Variants in RAD51B observed in about 807,000 individuals in gnomAD.
RAD51B encodes the protein DNA repair protein RAD51 homolog 2.
A neutral mutation model predicts 42.2 loss-of-function variants in RAD51B; 38 were observed. The observed-to-expected ratio is 0.90, with a 90% CI of 0.70 to 1.18. The LOEUF (loss-of-function observed/expected upper bound fraction) is 1.18. Ranked by LOEUF, RAD51B falls within the 50% of genes most tolerant of loss-of-function variation. RAD51B has a pLI of 0.00. For synonymous variants in RAD51B, 154 were observed against 145.2 expected, an observed-to-expected ratio of 1.06 and a Z score of -0.43; for missense variants, 373 against 400.7, an observed-to-expected ratio of 0.93 and a Z score of 0.59.
chr14:68,613,877 G>A (rs1891771262), downstream of RAD51B, among the ~76,000 whole-genome samples: 1 of 152,196 alleles, frequency 6.6e-6, no homozygotes, highest in Non-Finnish European at 1.5e-5. Context: ...TCGATTTTTG[G>A]AGTCAGAGAG....
At chr14:68,236,883 G>A (rs901681586) in intron 7 of RAD51B, among the ~76,000 whole-genome samples, 3 of 152,166 alleles carry the variant, frequency 2.0e-5, no homozygotes, top group African/African-American at 7.2e-5. Context: ...TCCACACAAA[G>A]GAGTGTCATT....
intron 7 of RAD51B, among the ~76,000 whole-genome samples, chr14:68,061,431 A>G (rs1426553791): frequency 6.6e-6 from 1 of 152,126 alleles, no homozygotes; most frequent in African/African-American, 2.4e-5. Context: ...TTTGTGAAAA[A>G]TGTCATTAGT....
intron 10 of RAD51B, among the ~76,000 whole-genome samples, chr14:68,507,880 G>T (rs1885451262): frequency 6.6e-6 from 1 of 152,194 alleles, no homozygotes; most frequent in South Asian, 2.1e-4. Context: ...TCTCCTGGCT[G>T]TTGGGTTCCA....
chr14:67,904,687 A>G (rs2043724942), intron 7 of RAD51B, among the ~76,000 whole-genome samples: 1 of 151,204 alleles, frequency 6.6e-6, no homozygotes, highest in East Asian at 1.9e-4. Flanking sequence ...TATTTTTTTC[A>G]TATGCCTTTT....
At chr14:68,176,590 A>T (rs2078966590) in intron 7 of RAD51B, among the ~76,000 whole-genome samples, 1 of 152,216 alleles carries the variant, frequency 6.6e-6, no homozygotes, top group Non-Finnish European at 1.5e-5. Context: ...AATGAGCATT[A>T]AAAACTAAAA....
intron 8 of RAD51B, among the ~76,000 whole-genome samples, chr14:68,298,790 T>C (rs571217166): frequency 6.6e-6 from 1 of 152,280 alleles, no homozygotes; most frequent in South Asian, 2.1e-4. Flanking sequence ...TTTCCATCAC[T>C]GCAGAGAATG....
intron 7 of RAD51B, among the ~76,000 whole-genome samples, chr14:68,221,908 A>G (rs867110686): frequency 3.9e-5 from 6 of 152,368 alleles, no homozygotes; most frequent in African/African-American, 1.2e-4. Context: ...AAAAGAAGAT[A>G]TACAAATGGC....
chr14:67,860,712 A>G lies in RAD51B; in HGVS notation c.316-4291A>G, dbSNP rs2042136344. ...AAAGCATACAGTATAGTCATAGTAT[A>G]GTATAACAAATACAGTAAAAATTTT... On this transcript the variant is annotated intron_variant, in intron 4 of 10. Transcript: ENST00000471583. Among the ~76,000 whole-genome samples, 4 of 152,230 alleles carry G rather than the reference A, an allele frequency of 2.6e-5. No individual in the cohort carries two copies. In the South Asian group the frequency reaches 8.3e-4, roughly 31 times the overall value.
chr14:68,536,278 G>A (rs912826837), intron 10 of RAD51B, among the ~76,000 whole-genome samples: 3 of 152,168 alleles, frequency 2.0e-5, no homozygotes, highest in Non-Finnish European at 2.9e-5. Context: ...AAGATAATCC[G>A]CCAAAAGGAA....
chr14:68,439,176 ACACACACACACT>A (rs1268677409), intron 9 of RAD51B, among the ~76,000 whole-genome samples: 84 of 80,626 alleles, frequency 1.0e-3, no homozygotes, highest in African/African-American at 3.0e-3. Flanking sequence ...ACACACACAC[ACACACACACACT>A]CTCTCACACA....
chr14:68,314,731 A>G (rs2082023088), intron 8 of RAD51B, among the ~76,000 whole-genome samples: 1 of 152,120 alleles, frequency 6.6e-6, no homozygotes, highest in Non-Finnish European at 1.5e-5. Flanking sequence ...CCAAGCTTTG[A>G]TCCTCTGGCC....
intron 8 of RAD51B, among the ~76,000 whole-genome samples, chr14:68,356,478 T>C (rs2082905550): frequency 6.6e-6 from 1 of 151,466 alleles, no homozygotes; most frequent in Non-Finnish European, 1.5e-5. Context: ...CTCTACTCTA[T>C]TAAAAGTGCA....
At chr14:68,468,121 GC>G in intron 9 of RAD51B, 50 bp from the exon 10 acceptor site, 6 of 1,492,334 alleles carry the variant, frequency 4.0e-6, no homozygotes, top group Non-Finnish European at 5.6e-6. Flanking sequence ...GTGAATAGAG[GC>G]CCATCCCTGA....
intron 7 of RAD51B, among the ~76,000 whole-genome samples, chr14:67,890,731 T>A (rs113516939): frequency 1.1e-4 from 17 of 151,770 alleles, no homozygotes; most frequent in African/African-American, 4.1e-4. Context: ...AGGTAACAGC[T>A]AATGAAAGTA....
At chr14:68,031,846 A>G (rs1350462108) in intron 7 of RAD51B, among the ~76,000 whole-genome samples, 2 of 152,224 alleles carry the variant, frequency 1.3e-5, no homozygotes, top group Admixed American at 1.3e-4. Flanking sequence ...TCAAAACTAC[A>G]AATATTCTCC....
chr14:68,539,179 C>G (rs754164456), intron 10 of RAD51B, among the ~76,000 whole-genome samples: 6 of 152,194 alleles, frequency 3.9e-5, no homozygotes, highest in South Asian at 4.1e-4. Flanking sequence ...AGGGATCCCC[C>G]CTTTCTCCAT....
At chr14:68,313,495 G>A (rs1036738895) in intron 8 of RAD51B, among the ~76,000 whole-genome samples, 1 of 152,180 alleles carries the variant, frequency 6.6e-6, no homozygotes, top group African/African-American at 2.4e-5. Flanking sequence ...AGCTGAGTCG[G>A]GGGATGGCTT....
At chr14:68,178,808 A>G (rs1018271143) in intron 7 of RAD51B, among the ~76,000 whole-genome samples, 1 of 152,198 alleles carries the variant, frequency 6.6e-6, no homozygotes, top group Non-Finnish European at 1.5e-5. Context: ...GTGGCTAGCA[A>G]CTGATGTTGT....
At chr14:68,610,938 T>C (rs1322983354) in intron 10 of RAD51B, 1 of 680,230 alleles carries the variant, frequency 1.5e-6, no homozygotes, top group Admixed American at 2.0e-5. Flanking sequence ...TTATTCAATG[T>C]TGTTTCCTAC....
Sources: allele counts gnomAD v4.1 joint callset (sites outside exome capture counted in the v4.1 genomes callset), GRCh38; gene constraint gnomAD v4.1.1; transcripts MANE v1.5; gene names NCBI Gene and HGNC (gene_info 2026-07-23, HGNC 2026-07-21).